Variants in FGF14 observed in about 807,000 individuals in gnomAD.
FGF14 encodes the protein fibroblast growth factor homologous factor 4.
Under a neutral mutation model 25.5 loss-of-function variants are expected in FGF14, and 5 were observed. The ratio of observed to expected loss-of-function variants is 0.20; its 90% CI spans 0.10 to 0.41. The LOEUF is 0.41. Among genes scored for constraint, FGF14 ranks in the 10% least tolerant of loss-of-function variants. The pLI is 1.00. For missense variants in FGF14, 222 were observed against 320.1 expected, an observed-to-expected ratio of 0.69 and a Z score of 2.34; for synonymous variants, 138 against 118.3, an observed-to-expected ratio of 1.17 and a Z score of -1.08.
intron 1 of FGF14, among the ~76,000 whole-genome samples, chr13:102,382,567 C>A (rs938711736): frequency 6.6e-6 from 1 of 152,056 alleles, no homozygotes; most frequent in Non-Finnish European, 1.5e-5. Flanking sequence ...ATTTGGTAGT[C>A]ACTCAAAATG....
chr13:101,909,909 G>A (rs1402961197), intron 1 of FGF14, among the ~76,000 whole-genome samples: 4 of 152,150 alleles, frequency 2.6e-5, no homozygotes, highest in Non-Finnish European at 5.9e-5. Flanking sequence ...ATACAATGCA[G>A]CCATAAAAAA....
At chr13:102,060,553 C>G (rs1363907755) in intron 1 of FGF14, among the ~76,000 whole-genome samples, 1 of 152,122 alleles carries the variant, frequency 6.6e-6, no homozygotes, top group Non-Finnish European at 1.5e-5. Context: ...AAACTAAACA[C>G]GTTTTACACA....
intron 1 of FGF14, among the ~76,000 whole-genome samples, chr13:101,892,534 C>T (rs2029903323): frequency 6.6e-6 from 1 of 152,186 alleles, no homozygotes. Context: ...TTATGACTCA[C>T]TACCACGTCC....
intron 1 of FGF14, among the ~76,000 whole-genome samples, chr13:102,140,442 C>T (rs1014299398): frequency 6.6e-6 from 1 of 152,036 alleles, no homozygotes; most frequent in African/African-American, 2.4e-5. Context: ...ATTTTTCTCC[C>T]CAACTTTTAC....
chr13:102,389,857 T>C (rs144082799), intron 1 of FGF14, among the ~76,000 whole-genome samples: 1 of 152,228 alleles, frequency 6.6e-6, no homozygotes, highest in Non-Finnish European at 1.5e-5. Flanking sequence ...ATGCTCTGAG[T>C]GATAAAATCC....
At chr13:102,368,612 T>G (rs2057784568) in intron 1 of FGF14, among the ~76,000 whole-genome samples, 1 of 152,156 alleles carries the variant, frequency 6.6e-6, no homozygotes, top group African/African-American at 2.4e-5. Context: ...ATTGCCTACT[T>G]AAGACATTGA....
intron 1 of FGF14, among the ~76,000 whole-genome samples, chr13:102,306,852 A>G (rs745839563): frequency 8.5e-5 from 13 of 152,154 alleles, no homozygotes; most frequent in Non-Finnish European, 1.5e-4. Flanking sequence ...TGTATGCACA[A>G]TAAAGACCAC....
At chr13:101,902,866 G>A (rs2031746971) in intron 1 of FGF14, among the ~76,000 whole-genome samples, 1 of 152,104 alleles carries the variant, frequency 6.6e-6, no homozygotes, top group Non-Finnish European at 1.5e-5. Context: ...AAATCTAATA[G>A]CTTTAGTTCT....
At chr13:101,986,097 ATTTG>A (rs1196230747) in intron 1 of FGF14, among the ~76,000 whole-genome samples, 1 of 152,122 alleles carries the variant, frequency 6.6e-6, no homozygotes, top group Non-Finnish European at 1.5e-5. Flanking sequence ...AAGGATGCTT[ATTTG>A]TTTGTTTTAA....
At chr13:101,971,375 T>A (rs1475699407) in intron 1 of FGF14, among the ~76,000 whole-genome samples, 1 of 64,782 alleles carries the variant, frequency 1.5e-5, no homozygotes, top group African/African-American at 6.6e-5. Context: ...AGCATATAAC[T>A]TTTTTTTTTT....
chr13:102,267,764 AT>A (rs1393395733), intron 1 of FGF14, among the ~76,000 whole-genome samples: 1 of 152,172 alleles, frequency 6.6e-6, no homozygotes, highest in Non-Finnish European at 1.5e-5. Context: ...GTATTTTACA[AT>A]CATGTAAAGT....
intron 3 of FGF14, among the ~76,000 whole-genome samples, chr13:101,765,760 G>A (rs912072836): frequency 1.3e-5 from 2 of 149,910 alleles, no homozygotes; most frequent in East Asian, 3.9e-4. Flanking sequence ...ACGGAGTCTC[G>A]CTTTTGTCGC....
chr13:102,386,352 G>A (rs1408604792), intron 1 of FGF14, among the ~76,000 whole-genome samples: 3 of 151,976 alleles, frequency 2.0e-5, no homozygotes, highest in South Asian at 4.2e-4. Flanking sequence ...GGCTGGTCTC[G>A]AACCCCTGAC....
At chr13:101,954,699 A>AGTGTGTGTGT (rs5806259) in intron 1 of FGF14, among the ~76,000 whole-genome samples, 5 of 150,762 alleles carry the variant, frequency 3.3e-5, no homozygotes, top group African/African-American at 9.7e-5. Flanking sequence ...ATTCACTGAA[A>AGTGTGTGTGT]GTGTGTGTGT....
chr13:102,151,500 T>C (rs2047084080), intron 1 of FGF14, among the ~76,000 whole-genome samples: 1 of 152,122 alleles, frequency 6.6e-6, no homozygotes, highest in Non-Finnish European at 1.5e-5. Context: ...CAGTTCCTTT[T>C]TGTTTGTTTG....
At chr13:101,810,573 C>A (rs2041449526) in intron 3 of FGF14, among the ~76,000 whole-genome samples, 1 of 152,140 alleles carries the variant, frequency 6.6e-6, no homozygotes, top group Non-Finnish European at 1.5e-5. Flanking sequence ...ACTGGATGAC[C>A]CTGTCCTTGC....
intron 1 of FGF14, among the ~76,000 whole-genome samples, chr13:102,287,450 A>G (rs2054162149): frequency 6.6e-6 from 1 of 152,182 alleles, no homozygotes; most frequent in Non-Finnish European, 1.5e-5. Context: ...TTAGGGGATA[A>G]TTCTTTCTGA....
rs372501482 is a variant in FGF14, at chr13:101,806,035, T to A, written c.408+62690A>T. Among the ~76,000 whole-genome samples the A allele has an allele frequency of 9.9e-5, 15 of 151,972 alleles. No individual in the cohort carries two copies. In the South Asian group the frequency reaches 1.0e-3, roughly 10 times the overall value. On this transcript the variant is annotated intron_variant, in intron 3 of 4. Coordinates refer to ENST00000376143, the MANE Select transcript of FGF14 (RefSeq NM_004115.4). Reference sequence around the variant, plus strand: ...CATTATTGTATATGGAACATACATATACGTAATATATGTATATGAAAATAT... The same window carrying A: ...CATTATTGTATATGGAACATACATAAACGTAATATATGTATATGAAAATAT...
At chr13:101,926,781 T>C (rs1442886056) in intron 1 of FGF14, among the ~76,000 whole-genome samples, 2 of 152,206 alleles carry the variant, frequency 1.3e-5, no homozygotes, top group African/African-American at 4.8e-5. Context: ...CACTTTCATT[T>C]TTATATAGCT....
Sources: gnomAD v4.1 joint callset for allele counts (sites outside exome capture counted in the v4.1 genomes callset) on GRCh38, gnomAD v4.1.1 for gene constraint, MANE v1.5 for transcripts, NCBI Gene and HGNC (gene_info 2026-07-23, HGNC 2026-07-21) for gene names.